Variants in TMEM117 observed in about 807,000 individuals in gnomAD.
The protein encoded by TMEM117 is transmembrane protein 117.
TMEM117 carries 27 observed loss-of-function variants against 52.4 expected under a neutral mutation model. The ratio of observed to expected loss-of-function variants is 0.51; its 90% CI spans 0.38 to 0.71. TMEM117 has a LOEUF of 0.71. Ranked by LOEUF, TMEM117 falls within the 30% of genes least tolerant of loss-of-function variation. The pLI, the probability that TMEM117 is intolerant of heterozygous loss-of-function variation, is 0.00. For missense variants in TMEM117, 556 were observed against 630.5 expected (o/e 0.88, Z 1.26); for synonymous variants, 215 against 206.3 (o/e 1.04, Z -0.36).
chr12:43,803,317 A>C, the TMEM117 span, among the ~76,000 whole-genome samples: 13 of 152,282 alleles, frequency 8.5e-5, no homozygotes, highest in South Asian at 2.5e-3. Flanking sequence ...AAGTATCAGA[A>C]CTCCCAATTG....
At chr12:43,815,081 G>C in the TMEM117 span, among the ~76,000 whole-genome samples, 2 of 152,116 alleles carry the variant, frequency 1.3e-5, no homozygotes, top group African/African-American at 4.8e-5. Flanking sequence ...TGCCAGATGT[G>C]TCGTCTAGGA....
chr12:43,797,328 T>C, the TMEM117 span: 16 of 1,595,518 alleles, frequency 1.0e-5, no homozygotes, highest in East Asian at 1.8e-4. Context: ...GTCTCCTTCA[T>C]GGGAATGTTT....
chr12:43,944,095 T>G (rs1945088646), intron 2 of TMEM117, 115 bp from the exon 3 acceptor site: 1 of 911,132 alleles, frequency 1.1e-6, no homozygotes, highest in Non-Finnish European at 1.6e-6. Flanking sequence ...AAGGCAGTCT[T>G]ATGGCAAAGA....
chr12:43,965,683 G>A (rs1341473477), intron 3 of TMEM117, among the ~76,000 whole-genome samples: 4 of 152,118 alleles, frequency 2.6e-5, no homozygotes, highest in South Asian at 2.1e-4. Context: ...TATGTCAAAT[G>A]TACACCACTG....
In TMEM117 at chr12:44,182,991, A is replaced by G. The variant is rs961030749; in HGVS notation, c.511-28299A>G. On this transcript the variant is annotated intron_variant, in intron 4 of 7. Coordinates refer to ENST00000266534, the MANE Select transcript of TMEM117 (RefSeq NM_032256.3). The stretch of plus-strand genomic sequence containing the variant: ...TATTTAAGGATAATAAAATAATCCA[A>G]TGAACATCATTATAATCATTTATAA... Among the ~76,000 whole-genome samples, 7 of 152,220 alleles carry G rather than the reference A, an allele frequency of 4.6e-5. No homozygotes were observed. In the East Asian group the frequency reaches 5.8e-4, roughly 13 times the overall value.
At chr12:43,890,632 A>G (rs1402129274) in intron 2 of TMEM117, among the ~76,000 whole-genome samples, 1 of 152,052 alleles carries the variant, frequency 6.6e-6, no homozygotes, top group East Asian at 1.9e-4. Flanking sequence ...CCTGGGTTCA[A>G]GGGATTCTCC....
In TMEM117 at chr12:44,389,525, C is replaced by T. The variant is rs1952143331; in HGVS notation, c.*853C>T. The T allele has an allele frequency of 6.6e-6, 1 of 152,446 alleles. No individual in the cohort carries two copies. The highest frequency in any genetic ancestry group is 1.5e-5 in the Non-Finnish European group (1 of 67,996). The allele number at this position is 152,446 out of a possible 1,614,324, so 9.4% of individuals were successfully genotyped here. Reference sequence around the variant, plus strand: ...ATCATATGAGAGCAGCACATCCCACCATTTACAATATTCGTATATCTTTCT... The same window carrying T: ...ATCATATGAGAGCAGCACATCCCACTATTTACAATATTCGTATATCTTTCT... On this transcript the variant is annotated 3_prime_UTR_variant, in exon 8 of 8. Transcript: ENST00000266534.
chr12:43,913,408 A>G (rs1944549199), intron 2 of TMEM117, among the ~76,000 whole-genome samples: 1 of 152,168 alleles, frequency 6.6e-6, no homozygotes, highest in Non-Finnish European at 1.5e-5. Flanking sequence ...ATATATATTC[A>G]TATAGATTAA....
the TMEM117 span, among the ~76,000 whole-genome samples, chr12:43,825,598 G>A: frequency 6.6e-6 from 1 of 151,932 alleles, no homozygotes; most frequent in Non-Finnish European, 1.5e-5. Context: ...GAACGTGATT[G>A]TATTTATTAT....
intron 2 of TMEM117, 72 bp downstream of exon 2, chr12:43,845,000 T>C: frequency 6.6e-7 from 1 of 1,521,564 alleles, no homozygotes; most frequent in Non-Finnish European, 8.8e-7. Flanking sequence ...ACAACTTTGC[T>C]ATTTCTAAGT....
chr12:44,195,533 T>G (rs972067634), intron 4 of TMEM117, among the ~76,000 whole-genome samples: 1 of 152,138 alleles, frequency 6.6e-6, no homozygotes, highest in Non-Finnish European at 1.5e-5. Context: ...CCATCTCACA[T>G]ATACTGTTCT....
chr12:44,079,561 TTTG>T (rs1284466636), intron 3 of TMEM117, among the ~76,000 whole-genome samples: 5 of 152,152 alleles, frequency 3.3e-5, no homozygotes, highest in Non-Finnish European at 7.3e-5. Context: ...GATGGAATTG[TTTG>T]TTTTTTTCTT....
intron 5 of TMEM117, among the ~76,000 whole-genome samples, chr12:44,297,855 A>G (rs1950788101): frequency 6.6e-6 from 1 of 152,168 alleles, no homozygotes; most frequent in Non-Finnish European, 1.5e-5. Context: ...TGCAATTTCT[A>G]TCTATTGAGT....
chr12:44,292,653 C>T (rs998657749), intron 5 of TMEM117, among the ~76,000 whole-genome samples: 1 of 151,930 alleles, frequency 6.6e-6, no homozygotes, highest in African/African-American at 2.4e-5. Flanking sequence ...TGGGTACGTT[C>T]TGTTTTTATT....
intron 3 of TMEM117, among the ~76,000 whole-genome samples, chr12:43,959,334 ACT>A (rs1037365915): frequency 4.0e-4 from 61 of 151,740 alleles, no homozygotes; most frequent in African/African-American, 1.5e-3. Context: ...GTATGAAAAG[ACT>A]CTCTGGTTTG....
At chr12:44,255,563 A>G (rs1950250606) in intron 5 of TMEM117, among the ~76,000 whole-genome samples, 1 of 152,204 alleles carries the variant, frequency 6.6e-6, no homozygotes, top group African/African-American at 2.4e-5. Flanking sequence ...GTAAGATAGC[A>G]TGTTTGAATG....
intron 3 of TMEM117, among the ~76,000 whole-genome samples, chr12:43,955,377 C>G (rs1017908830): frequency 1.4e-4 from 22 of 152,042 alleles, no homozygotes; most frequent in Non-Finnish European, 1.6e-4. Flanking sequence ...ATGACATTAT[C>G]CTATATGTAG....
intron 5 of TMEM117, among the ~76,000 whole-genome samples, chr12:44,217,069 GATT>G (rs1023284687): frequency 3.9e-5 from 6 of 152,110 alleles, no homozygotes; most frequent in African/African-American, 7.2e-5. Context: ...ATCAACAAAT[GATT>G]ATTATCTTAA....
the TMEM117 span, chr12:43,806,040 G>A: frequency 2.0e-6 from 3 of 1,520,084 alleles, no homozygotes; most frequent in Admixed American, 4.0e-5. Context: ...GCTGGAGGAG[G>A]ACGCAGGCCG....
Sources: allele counts gnomAD v4.1 joint callset (sites outside exome capture counted in the v4.1 genomes callset), GRCh38; gene constraint gnomAD v4.1.1; transcripts MANE v1.5; gene names NCBI Gene and HGNC (gene_info 2026-07-23, HGNC 2026-07-21).